The following IWS1 variants were observed in gnomAD, a reference collection of about 807,000 sequenced individuals.
IWS1 encodes the protein protein IWS1 homolog.
IWS1 carries 27 observed loss-of-function variants against 86.7 expected under a neutral mutation model. The ratio of observed to expected loss-of-function variants is 0.31; its 90% CI spans 0.23 to 0.43. The LOEUF is 0.43. Among genes scored for constraint, IWS1 ranks in the 20% least tolerant of loss-of-function variants. The pLI, the probability that IWS1 is intolerant of heterozygous loss-of-function variation, is 1.00. For synonymous variants in IWS1, 313 were observed against 335.1 expected (o/e 0.93, Z 0.72); for missense variants, 827 against 1,000.8 (o/e 0.83, Z 2.34).
At position 127,483,331 on chromosome 2, in the gene IWS1, T is replaced by C. The variant is rs911254281; in HGVS notation, c.2329-2156A>G. ...AATCATAAACGAACGAATAAACACATTATATTCATGGCCGGGTGTGGTGGC... is the reference window on the plus strand; with the variant it reads ...AATCATAAACGAACGAATAAACACACTATATTCATGGCCGGGTGTGGTGGC... On this transcript the variant is annotated intron_variant, in intron 13 of 13. Transcript: ENST00000295321. Among the ~76,000 whole-genome samples, 4 of 152,016 alleles carry C rather than the reference T, an allele frequency of 2.6e-5. No homozygotes were observed. In the East Asian group the frequency reaches 7.8e-4, roughly 30 times the overall value.
chr2:127,496,818 T>C (rs1265258933), intron 6 of IWS1, among the ~76,000 whole-genome samples: 1 of 152,074 alleles, frequency 6.6e-6, no homozygotes, highest in African/African-American at 2.4e-5. Context: ...CCTCAAGTGA[T>C]CCCCCTGCCT....
intron 5 of IWS1, among the ~76,000 whole-genome samples, chr2:127,500,756 G>A (rs1044597453): frequency 2.0e-5 from 3 of 152,038 alleles, no homozygotes; most frequent in Non-Finnish European, 4.4e-5. Context: ...ATTTTACCAT[G>A]TAATACTTTC....
intron 6 of IWS1, among the ~76,000 whole-genome samples, chr2:127,497,830 T>A (rs2104684094): frequency 6.6e-6 from 1 of 152,282 alleles, no homozygotes; most frequent in Admixed American, 6.5e-5. Context: ...CCCCACAACA[T>A]CAGCTTGTCT....
chr2:127,519,338 A>G (rs1240124400), intron 2 of IWS1, among the ~76,000 whole-genome samples: 1 of 131,698 alleles, frequency 7.6e-6, no homozygotes, highest in African/African-American at 3.0e-5. Flanking sequence ...AGACATATAC[A>G]ATTACTTTAA....
chr2:127,493,432 A>G, intron 8 of IWS1, 22 bp from the exon 9 acceptor site: 4 of 1,580,766 alleles, frequency 2.5e-6, no homozygotes, highest in Non-Finnish European at 3.4e-6. Flanking sequence ...ATAATTTTTA[A>G]AAATTCTGTG....
At chr2:127,502,640 T>C in intron 5 of IWS1, 175 bp downstream of exon 5, 1 of 400,968 alleles carries the variant, frequency 2.5e-6, no homozygotes, top group Non-Finnish European at 4.5e-6. Context: ...CTTCCTTTTA[T>C]GTCTTTGTAT....
At chr2:127,484,237 G>A (rs144655251) in intron 13 of IWS1, among the ~76,000 whole-genome samples, 251 of 152,246 alleles carry the variant, frequency 1.6e-3, no homozygotes, top group African/African-American at 5.7e-3. Context: ...GTGTGAACCC[G>A]GGAGGCAGAG....
intron 2 of IWS1, among the ~76,000 whole-genome samples, chr2:127,522,259 C>T (rs998893396): frequency 5.9e-5 from 9 of 152,170 alleles, no homozygotes; most frequent in Non-Finnish European, 1.3e-4. Context: ...CATATCCACA[C>T]GGCTATTCCT....
chr2:127,482,658 G>A (rs1404605916), intron 13 of IWS1: 1 of 152,264 alleles, frequency 6.6e-6, no homozygotes. Context: ...CTCACTAACT[G>A]TCTAAGCCCT....
chr2:127,486,353 C>T (rs768733173), intron 13 of IWS1, 200 bp downstream of exon 13: 9 of 443,352 alleles, frequency 2.0e-5, no homozygotes, highest in Admixed American at 1.7e-4. Flanking sequence ...AAAAATTCAT[C>T]AGCAATAAAC....
Position 127,502,275 on chromosome 2 carries a change from G to A in IWS1, c.1467+540C>T, listed in dbSNP as rs557659345. On this transcript the variant is annotated intron_variant, in intron 5 of 13. Transcript: ENST00000295321. ...AAGCCCCCTAACCTCAATAGGCCCCGAACTCTAAATTTTGTCCCCAAGCCT... is the reference window on the plus strand; with the variant it reads ...AAGCCCCCTAACCTCAATAGGCCCCAAACTCTAAATTTTGTCCCCAAGCCT... Among the ~76,000 whole-genome samples, 8 of 152,134 alleles carry A rather than the reference G, an allele frequency of 5.3e-5. No homozygotes were observed. The East Asian group carries it at 5.8e-4, about 11-fold the overall frequency.
intron 13 of IWS1, among the ~76,000 whole-genome samples, chr2:127,485,004 AAAAG>A (rs1689854233): frequency 6.6e-6 from 1 of 151,826 alleles, no homozygotes; most frequent in African/African-American, 2.4e-5. Context: ...CTCAAAAAGA[AAAAG>A]AAAAAGAAAA....
intron 2 of IWS1, among the ~76,000 whole-genome samples, chr2:127,518,492 C>A (rs369202179): frequency 6.7e-6 from 1 of 150,160 alleles, no homozygotes; most frequent in African/African-American, 2.5e-5. Flanking sequence ...CCAGCCCGGG[C>A]GACAGTGTAA....
Position 127,526,376 on chromosome 2 carries a change from C to A in IWS1, c.-168G>T, listed in dbSNP as rs1303769433. On this transcript the variant is annotated 5_prime_UTR_variant, in exon 1 of 14. Coordinates refer to ENST00000295321, the MANE Select transcript of IWS1 (RefSeq NM_017969.3). ...AAAGCGGTAGCGGCAAAGGCGAATTCTTTGACCTGGAAGCCCCGGCGGAAA... is the reference window on the plus strand; with the variant it reads ...AAAGCGGTAGCGGCAAAGGCGAATTATTTGACCTGGAAGCCCCGGCGGAAA... 1 of 1,536,486 alleles carries A rather than the reference C, an allele frequency of 6.5e-7. No homozygotes were observed. The highest frequency in any genetic ancestry group is 2.0e-5 in the Admixed American group (1 of 50,986).
rs545328511 is a variant in IWS1 at position 127,493,569 on chromosome 2, A to G, written c.1800-159T>C. On this transcript the variant is annotated intron_variant, in intron 8 of 13. Transcript: ENST00000295321. ...ACACCATTCTGGTTTCGAAAGCAGT[A>G]TGACATTTAGTTCTTATTTTCCAGA... 3.9e-5 allele frequency among the ~76,000 whole-genome samples: 6 copies of G among 152,376 alleles called. No individual in the cohort carries two copies. In the East Asian group the frequency reaches 1.2e-3, roughly 29 times the overall value.
intron 1 of IWS1, among the ~76,000 whole-genome samples, chr2:127,524,842 A>T (rs1162462348): frequency 6.6e-6 from 1 of 151,634 alleles, no homozygotes; most frequent in Non-Finnish European, 1.5e-5. Context: ...TGAATGGAAA[A>T]AAAACTATTC....
Position 127,493,058 on chromosome 2 carries a change from C to T in IWS1, c.1929+223G>A, listed in dbSNP as rs1338041325. 2.2e-5 allele frequency: 8 copies of T among 365,970 alleles called. No homozygotes were observed. In the East Asian group the frequency reaches 3.9e-4, roughly 18 times the overall value. 22.7% of individuals were successfully genotyped at this position (365,970 alleles called of 1,614,324 possible). ...TGTACTACTCTTCTCAGACACATTA[C>T]AGCTACTCTAAGATTTTTTCCCTTC... On this transcript the variant is annotated intron_variant, in intron 9 of 13. Coordinates refer to ENST00000295321, the MANE Select transcript of IWS1 (RefSeq NM_017969.3).
At position 127,526,471 on chromosome 2, in the gene IWS1, T is replaced by G. The variant is rs773081035; in HGVS notation, c.-263A>C. On this transcript the variant is annotated 5_prime_UTR_variant, in exon 1 of 14. Coordinates refer to ENST00000295321, the MANE Select transcript of IWS1 (RefSeq NM_017969.3). ...GCGTTCTACTTCCTAGAAGCACCGC[T>G]GGGGCCAAAATGGCGTCTGCCCACG... 3.9e-6 allele frequency: 6 copies of G among 1,528,712 alleles called. No individual in the cohort carries two copies. Among genetic ancestry groups the G allele is most frequent in the Admixed American group, 2.0e-5 (1 of 50,174 alleles). 94.7% of individuals were successfully genotyped at this position (1,528,712 alleles called of 1,614,324 possible).
rs1419221172 is a variant in IWS1, at chr2:127,499,546, G to C, written c.1468-1309C>G. 1.3e-5 allele frequency among the ~76,000 whole-genome samples: 2 copies of C among 152,098 alleles called. No individual in the cohort carries two copies. The highest frequency in any genetic ancestry group is 2.9e-5 in the Non-Finnish European group (2 of 68,012). Reference sequence around the variant, plus strand: ...AAGTTGATGTTAAGTCTCCAAAACAGGTAAGTATACCTTATTCTTACAATA... The same window carrying C: ...AAGTTGATGTTAAGTCTCCAAAACACGTAAGTATACCTTATTCTTACAATA... On this transcript the variant is annotated intron_variant, in intron 5 of 13. Transcript: ENST00000295321. This position sits in a 1 kb window ranked among gnomAD's most constrained non-coding sequence, Gnocchi z 4.0.
Sources: gnomAD v4.1 joint callset for allele counts (sites outside exome capture counted in the v4.1 genomes callset) on GRCh38, gnomAD v4.1.1 for gene constraint, Gnocchi (gnomAD v3.1) non-coding constraint, MANE v1.5 for transcripts, NCBI Gene and HGNC (gene_info 2026-07-23, HGNC 2026-07-21) for gene names.